The following MAGI1 variants were observed in gnomAD, a reference collection of about 807,000 sequenced individuals.
The protein encoded by MAGI1 is membrane-associated guanylate kinase, WW and PDZ domain-containing protein 1.
MAGI1 carries 58 observed loss-of-function variants against 139.9 expected under a neutral mutation model. The ratio of observed to expected loss-of-function variants is 0.41; its 90% confidence interval spans 0.34 to 0.52. The LOEUF is 0.52. Among genes scored for constraint, MAGI1 ranks in the 20% least tolerant of loss-of-function variants. The pLI, the probability that MAGI1 is intolerant of heterozygous loss-of-function variation, is 0.12. For synonymous variants in MAGI1, 812 were observed against 737.9 expected (o/e 1.10, Z -1.63); for missense variants, 1,874 against 1,901.6 (o/e 0.99, Z 0.27).
chr3:65,407,026 G>A (rs1559529155), intron 12 of MAGI1, among the ~76,000 whole-genome samples: 1 of 152,072 alleles, frequency 6.6e-6, no homozygotes, highest in Non-Finnish European at 1.5e-5. Context: ...CTAAATGTAG[G>A]ACTTTAAATT....
At chr3:65,880,380 T>G (rs549853264) in intron 1 of MAGI1, among the ~76,000 whole-genome samples, 1 of 152,272 alleles carries the variant, frequency 6.6e-6, no homozygotes, top group South Asian at 2.1e-4. Flanking sequence ...CAGTGACCCT[T>G]AGCGCATGTC....
At chr3:65,831,192 C>T (rs1007176491) in intron 1 of MAGI1, among the ~76,000 whole-genome samples, 3 of 152,188 alleles carry the variant, frequency 2.0e-5, no homozygotes, top group Non-Finnish European at 4.4e-5. Flanking sequence ...CATTACTCTG[C>T]AACTTGCCAC....
At chr3:65,894,621 A>C (rs185316266) in intron 1 of MAGI1, among the ~76,000 whole-genome samples, 264 of 152,360 alleles carry the variant, frequency 1.7e-3, no homozygotes, top group African/African-American at 6.1e-3. Flanking sequence ...CAATACCAAG[A>C]GTATTCAGTA....
chr3:65,847,854 A>C (rs1400573480), intron 1 of MAGI1, among the ~76,000 whole-genome samples: 1 of 152,184 alleles, frequency 6.6e-6, no homozygotes, highest in Admixed American at 6.5e-5. Flanking sequence ...CACGTCACAG[A>C]AATAGCAGAG....
chr3:66,010,447 C>T (rs1190465435), intron 1 of MAGI1, among the ~76,000 whole-genome samples: 3 of 152,260 alleles, frequency 2.0e-5, no homozygotes, highest in East Asian at 3.9e-4. Context: ...CACTGATGCC[C>T]AACAAGCCTG....
intron 1 of MAGI1, among the ~76,000 whole-genome samples, chr3:65,770,856 T>C (rs13078950): frequency 0.52 from 79,460 of 151,496 alleles, 21,279 homozygotes; most frequent in Admixed American, 0.6. Context: ...GCCTAGCTAA[T>C]TTGTTTTTCT....
chr3:65,657,267 G>T (rs1303040767), intron 1 of MAGI1, among the ~76,000 whole-genome samples: 1 of 151,996 alleles, frequency 6.6e-6, no homozygotes, highest in African/African-American at 2.4e-5. Flanking sequence ...CTCAGAGCCA[G>T]TGGTAATACT....
At chr3:65,794,329 T>A (rs1198928500) in intron 1 of MAGI1, among the ~76,000 whole-genome samples, 2 of 152,112 alleles carry the variant, frequency 1.3e-5, no homozygotes, top group Admixed American at 1.3e-4. Context: ...CTCTCAAAAC[T>A]CAACAGCACC....
intron 1 of MAGI1, among the ~76,000 whole-genome samples, chr3:65,702,754 T>TGTTTGTTTGTTTCAG (rs2089705123): frequency 6.6e-6 from 1 of 152,246 alleles, no homozygotes; most frequent in African/African-American, 2.4e-5. Context: ...TTTACTTACT[T>TGTTTGTTTGTTTCAG]ATCTCCTTCA....
chr3:65,728,477 T>A (rs1283042932), intron 1 of MAGI1, among the ~76,000 whole-genome samples: 1 of 152,104 alleles, frequency 6.6e-6, no homozygotes, highest in African/African-American at 2.4e-5. Flanking sequence ...TGCTGCTGTG[T>A]GGGAAACAGC....
Position 65,688,280 on chromosome 3 carries a change from G to A in MAGI1, c.314-66192C>T, listed in dbSNP as rs1054869327. 1.8e-5 allele frequency: 15 copies of A among 841,970 alleles called. No homozygotes were observed. The Admixed American group carries it at 2.0e-4, about 11-fold the overall frequency. The allele number at this position is 841,970 out of a possible 1,614,324, so 52.2% of individuals were successfully genotyped here. A position where few individuals can be genotyped will look rare whatever the true frequency, so the allele number is the denominator to read the frequency against. On this transcript the variant is annotated intron_variant, in intron 1 of 22. Coordinates refer to ENST00000402939, the MANE Select transcript of MAGI1 (RefSeq NM_001033057.2). ...GAATCCTCTCACATGGTGGCTTTAGGAAGATCCTTGGCCAGGAGGGTGATG... is the reference window on the plus strand; with the variant it reads ...GAATCCTCTCACATGGTGGCTTTAGAAAGATCCTTGGCCAGGAGGGTGATG...
In MAGI1 at chr3:65,430,143, G is replaced by A; in HGVS notation, c.1547-3C>T. 2.5e-6 allele frequency: 4 copies of A among 1,610,538 alleles called. No homozygotes were observed. Among genetic ancestry groups the A allele is most frequent in the Admixed American group, 1.7e-5 (1 of 59,900 alleles). On this transcript the variant is annotated splice_region_variant and splice_polypyrimidine_tract_variant and intron_variant, in intron 11 of 22. Coordinates refer to ENST00000402939, the MANE Select transcript of MAGI1 (RefSeq NM_001033057.2). ...ATTCACACTTACAATCACATCCCCT[G>A]TAGAAGGCAAGAGTGTGGGGGTTAA...
At chr3:65,856,178 A>C (rs983694615) in intron 1 of MAGI1, among the ~76,000 whole-genome samples, 6 of 152,190 alleles carry the variant, frequency 3.9e-5, no homozygotes, top group African/African-American at 1.4e-4. Flanking sequence ...CATATGGCTA[A>C]TGGCTACCAT....
intron 1 of MAGI1, among the ~76,000 whole-genome samples, chr3:66,006,660 C>T (rs1261276170): frequency 1.3e-5 from 2 of 152,270 alleles, no homozygotes; most frequent in East Asian, 3.9e-4. Context: ...AATGATGTCA[C>T]ATATAATACT....
At chr3:65,516,703 T>A (rs1227630922) in intron 2 of MAGI1, among the ~76,000 whole-genome samples, 1 of 139,576 alleles carries the variant, frequency 7.2e-6, no homozygotes, top group Admixed American at 7.3e-5. Flanking sequence ...GGAAGAAACA[T>A]AGTACATCCC....
chr3:65,907,636 A>C (rs1575973787), intron 1 of MAGI1: 1 of 152,196 alleles, frequency 6.6e-6, no homozygotes, highest in African/African-American at 2.4e-5. Flanking sequence ...TTTCAGGTTG[A>C]AGTCTTCAGT....
At chr3:65,849,213 C>T (rs1239355354) in intron 1 of MAGI1, among the ~76,000 whole-genome samples, 2 of 150,586 alleles carry the variant, frequency 1.3e-5, no homozygotes, top group African/African-American at 4.9e-5. Context: ...TTAGTAGAGA[C>T]GGGGTTTCGC....
chr3:66,031,821 C>A (rs1327749984), intron 1 of MAGI1, among the ~76,000 whole-genome samples: 1 of 150,770 alleles, frequency 6.6e-6, no homozygotes, highest in East Asian at 2.0e-4. Context: ...TGCAAGAAAA[C>A]GGAGGGAAAG....
At chr3:65,534,890 G>C (rs568071698) in intron 2 of MAGI1, among the ~76,000 whole-genome samples, 13 of 152,306 alleles carry the variant, frequency 8.5e-5, no homozygotes, top group African/African-American at 2.9e-4. Context: ...CCTCTACGGG[G>C]TGAGTTTGTT....
Sources: gnomAD v4.1 joint callset for allele counts (sites outside exome capture counted in the v4.1 genomes callset) on GRCh38, gnomAD v4.1.1 for gene constraint, MANE v1.5 for transcripts, NCBI Gene and HGNC (gene_info 2026-07-23, HGNC 2026-07-21) for gene names.